LOC400499: variants seen among roughly 807,000 people sequenced by gnomAD.
chr16:11,420,479 G>C, the LOC400499 span, among the ~76,000 whole-genome samples: 3 of 149,612 alleles, frequency 2.0e-5, no homozygotes, highest in East Asian at 2.0e-4. Flanking sequence ...AGCATTAGGA[G>C]ATATACCTAA....
At chr16:11,395,269 G>T in the LOC400499 span, among the ~76,000 whole-genome samples, 775 of 152,342 alleles carry the variant, frequency 5.1e-3, 6 homozygotes, top group African/African-American at 0.018. Flanking sequence ...CTGGGTTGGG[G>T]TGAGCAAGAA....
At chr16:11,384,193 G>A in the LOC400499 span, 1 of 1,224,970 alleles carries the variant, frequency 8.2e-7, no homozygotes, top group Non-Finnish European at 1.0e-6. Flanking sequence ...CTGGAAGCAG[G>A]ACAGGCAGGT....
the LOC400499 span, chr16:11,446,579 C>A: frequency 6.5e-7 from 1 of 1,536,084 alleles, no homozygotes; most frequent in South Asian, 1.2e-5. Context: ...ACCAGGCACC[C>A]CTCTGTGTTC....
At chr16:11,430,973 T>C in the LOC400499 span, 1 of 398,622 alleles carries the variant, frequency 2.5e-6, no homozygotes, top group East Asian at 3.6e-5. Flanking sequence ...TGGAAATGAA[T>C]CTACCTTGCA....
At chr16:11,438,098 G>C in the LOC400499 span, among the ~76,000 whole-genome samples, 1 of 152,100 alleles carries the variant, frequency 6.6e-6, no homozygotes, top group Non-Finnish European at 1.5e-5. Context: ...TGACAACGGT[G>C]CTCCATGCCC....
chr16:11,381,940 T>C, the LOC400499 span, among the ~76,000 whole-genome samples: 1 of 140,256 alleles, frequency 7.1e-6, no homozygotes, highest in East Asian at 2.0e-4. Context: ...TCTGTTTTCA[T>C]TCTGGAATTT....
the LOC400499 span, chr16:11,390,598 C>T: frequency 3.0e-6 from 2 of 663,770 alleles, no homozygotes; most frequent in Non-Finnish European, 4.3e-6. Context: ...GGAACTGGAA[C>T]AGAGCAGTGG....
chr16:11,465,768 G>T, the LOC400499 span, among the ~76,000 whole-genome samples: 1 of 149,620 alleles, frequency 6.7e-6, no homozygotes, highest in Admixed American at 6.7e-5. Context: ...GAGAAGGCGG[G>T]GGGTGGGCAG....
the LOC400499 span, chr16:11,384,889 G>C: frequency 8.1e-7 from 1 of 1,232,138 alleles, no homozygotes; most frequent in South Asian, 4.1e-5. Flanking sequence ...CAGACCCACC[G>C]TGCTGCCAGA....
chr16:11,468,186 G>A, the LOC400499 span, among the ~76,000 whole-genome samples: 1 of 152,206 alleles, frequency 6.6e-6, no homozygotes, highest in East Asian at 1.9e-4. Context: ...AATTCCTATA[G>A]TTGAAGACAC....
the LOC400499 span, among the ~76,000 whole-genome samples, chr16:11,428,972 AC>A: frequency 2.6e-5 from 4 of 152,180 alleles, no homozygotes; most frequent in African/African-American, 9.7e-5. Flanking sequence ...AGGGACTCCC[AC>A]GGGGCAAATC....
the LOC400499 span, chr16:11,460,575 T>C: frequency 6.5e-7 from 1 of 1,535,364 alleles, no homozygotes; most frequent in African/African-American, 1.4e-5. Context: ...AGCTTCTGGC[T>C]GGTGCTGCAC....
chr16:11,447,993 C>T, the LOC400499 span: 2 of 1,536,124 alleles, frequency 1.3e-6, no homozygotes, highest in Non-Finnish European at 1.7e-6. Flanking sequence ...GCTCCTCCAG[C>T]TCTCCTTCCA....
chr16:11,441,212 T>C, the LOC400499 span: 86 of 397,368 alleles, frequency 2.2e-4, no homozygotes, highest in African/African-American at 1.7e-3. Context: ...TCTACACTCT[T>C]CCACTTATAG....
chr16:11,448,938 G>C, the LOC400499 span: 1 of 1,489,252 alleles, frequency 6.7e-7, no homozygotes, highest in Non-Finnish European at 9.0e-7. Context: ...GTGCCTGTAG[G>C]CCGCTGTTAG....
the LOC400499 span, chr16:11,514,323 G>A: frequency 1.8e-5 from 7 of 398,986 alleles, no homozygotes; most frequent in African/African-American, 1.2e-4. Context: ...CTCATGCCAC[G>A]GCCAGGGGGT....
chr16:11,463,004 A>G, the LOC400499 span, among the ~76,000 whole-genome samples: 114,743 of 152,026 alleles, frequency 0.75, 43,892 homozygotes, highest in Admixed American at 0.8. Flanking sequence ...TCCACACGGC[A>G]ACCAGACACG....
At chr16:11,434,511 G>A in the LOC400499 span, among the ~76,000 whole-genome samples, 1 of 152,178 alleles carries the variant, frequency 6.6e-6, no homozygotes. Context: ...AGTCAGAACC[G>A]AGACCATTTG....
the LOC400499 span, among the ~76,000 whole-genome samples, chr16:11,504,622 C>G: frequency 1.4e-4 from 22 of 151,898 alleles, no homozygotes; most frequent in Admixed American, 6.6e-4. Flanking sequence ...CCACCAATAA[C>G]ACATGATAAT....
Sources: gnomAD v4.1 joint callset for allele counts (sites outside exome capture counted in the v4.1 genomes callset) on GRCh38, gnomAD v4.1.1 for gene constraint, MANE v1.5 for transcripts.